ATP8B2: variants seen among roughly 807,000 people sequenced by gnomAD.
ATP8B2 encodes the protein ATPase phospholipid transporting 8B2.
ATP8B2 carries 70 observed loss-of-function variants against 133.4 expected under a neutral mutation model. The observed-to-expected ratio is 0.52, with a 90% CI of 0.43 to 0.64. ATP8B2 has a LOEUF of 0.64. ATP8B2 is among the 30% of genes least tolerant of loss of function. The pLI, the probability that ATP8B2 is intolerant of heterozygous loss-of-function variation, is 0.00. For missense variants in ATP8B2, 1,101 were observed against 1,535.7 expected, an observed-to-expected ratio of 0.72 and a Z score of 4.73; for synonymous variants, 517 against 589.5, an observed-to-expected ratio of 0.88 and a Z score of 1.78.
Position 154,351,209 on chromosome 1 carries a change from A to G in ATP8B2, c.*2091A>G, listed in dbSNP as rs1266412446. 6.6e-6 allele frequency: 1 copy of G among 152,120 alleles called. No homozygotes were observed. Among genetic ancestry groups the G allele is most frequent in the Admixed American group, 6.6e-5 (1 of 15,186 alleles). 9.4% of individuals were successfully genotyped at this position (152,120 alleles called of 1,614,324 possible). ...AGTTGCATTGAGCTGTAATTAAGGAACATTATAATTTATGACACATTTCTA... is the reference window on the plus strand; with the variant it reads ...AGTTGCATTGAGCTGTAATTAAGGAGCATTATAATTTATGACACATTTCTA... On this transcript the variant is annotated 3_prime_UTR_variant, in exon 28 of 28. Transcript: ENST00000368489.
chr1:154,327,858 A>G (rs1280116151), intron 1 of ATP8B2: 1 of 1,613,254 alleles, frequency 6.2e-7, no homozygotes, highest in Non-Finnish European at 8.5e-7. Context: ...TCCTTTCCCT[A>G]CAGGCATGGG....
chr1:154,336,088 G>A (rs1477463878), intron 11 of ATP8B2, among the ~76,000 whole-genome samples: 2 of 151,058 alleles, frequency 1.3e-5, no homozygotes, highest in Non-Finnish European at 2.9e-5. Context: ...GAACATTACC[G>A]TGGCTTGGCA....
Position 154,330,463 on chromosome 1 carries a change from C to T in ATP8B2, c.90+9C>T, listed in dbSNP as rs1344482690. The T allele has an allele frequency of 1.2e-6, 2 of 1,613,322 alleles. No individual in the cohort carries two copies. Among genetic ancestry groups the T allele is most frequent in the Non-Finnish European group, 1.7e-6 (2 of 1,179,438 alleles). On this transcript the variant is annotated intron_variant, in intron 3 of 27. Coordinates refer to ENST00000368489, the MANE Select transcript of ATP8B2 (RefSeq NM_001370597.1). ...AGAAATTCCAGTATGCGGTAAGCGACTCTAGACCACCTGTTCCCTCTCTCT... is the reference window on the plus strand; with the variant it reads ...AGAAATTCCAGTATGCGGTAAGCGATTCTAGACCACCTGTTCCCTCTCTCT...
chr1:154,332,265 A>G (rs1686018878), intron 8 of ATP8B2, among the ~76,000 whole-genome samples: 1 of 152,010 alleles, frequency 6.6e-6, no homozygotes, highest in South Asian at 2.1e-4. Context: ...GGGCATGGTG[A>G]CTCACTCCTG....
At position 154,346,831 on chromosome 1, in the gene ATP8B2, T is replaced by G; in HGVS notation, c.3163+73T>G. On this transcript the variant is annotated intron_variant, in intron 26 of 27. Transcript: ENST00000368489. The surrounding 1 kb of genome is among the most constrained non-coding windows in gnomAD (Gnocchi z 4.5). ...TGGGACTAACAGGACCATCAGCTAA[T>G]CTGCACATTCAACATTTCTTATGTG... 1 of 1,494,802 alleles carries G rather than the reference T, an allele frequency of 6.7e-7. No individual in the cohort carries two copies. The highest frequency in any genetic ancestry group is 9.2e-7 in the Non-Finnish European group (1 of 1,092,770). 92.6% of individuals were successfully genotyped at this position (1,494,802 alleles called of 1,614,324 possible). A position where few individuals can be genotyped will look rare whatever the true frequency, so the allele number is the denominator to read the frequency against.
At chr1:154,336,459 A>AC (rs1686183786) in intron 11 of ATP8B2, among the ~76,000 whole-genome samples, 1 of 62,642 alleles carries the variant, frequency 1.6e-5, no homozygotes. Context: ...TAGAAAAAAA[A>AC]AATTGCAAAA....
In ATP8B2 at chr1:154,342,885, C is replaced by A. The variant is rs750174515; in HGVS notation, c.1377C>A (p.Ile459=). 1 of 1,614,166 alleles carries A rather than the reference C, an allele frequency of 6.2e-7. No individual in the cohort carries two copies. Among genetic ancestry groups the A allele is most frequent in the Admixed American group, 1.7e-5 (1 of 60,032 alleles). ...WDPSLLEAVK[I]GDPHTHEFFR... is the part of the protein sequence containing the mutation. ...CCAGCCTGCTGGAGGCTGTCAAGAT[C>A]GGGGACCCCCACACGCATGAGTTCT... is the stretch of plus-strand genomic sequence containing the variant. Residue 459 remains isoleucine (I), a synonymous_variant, in exon 15 of 28, where the codon ATC becomes ATA. Transcript: ENST00000368489.
intron 1 of ATP8B2, among the ~76,000 whole-genome samples, chr1:154,326,754 A>G (rs894141419): frequency 6.6e-6 from 1 of 152,212 alleles, no homozygotes; most frequent in Non-Finnish European, 1.5e-5. Context: ...TCAGATGTTT[A>G]GGCTGATAGT....
At position 154,340,959 on chromosome 1, in the gene ATP8B2, C is replaced by T. The variant is rs35725806; in HGVS notation, c.1140C>T (p.Asn380=). Residue 380 remains asparagine, a synonymous_variant, in exon 13 of 28, where the codon AAC becomes AAT. Coordinates refer to ENST00000368489, the MANE Select transcript of ATP8B2 (RefSeq NM_001370597.1). This position sits in a 1 kb window ranked among gnomAD's most constrained non-coding sequence, Gnocchi z 4.0. ...TPAEARTTTL[N]EELGQVEYIF... ...CAGAAGCCCGCACCACCACCCTAAACGAGGAGCTGGGCCAGGTGGAGTACA... is the reference window on the plus strand; with the variant it reads ...CAGAAGCCCGCACCACCACCCTAAATGAGGAGCTGGGCCAGGTGGAGTACA... 1.9e-3 allele frequency: 3,063 copies of T among 1,614,176 alleles called. 50 individuals are homozygous for T. The African/African-American group carries it at 0.036, about 19-fold the overall frequency.
intron 9 of ATP8B2, 137 bp from the exon 10 acceptor site, chr1:154,333,970 A>G (rs2149163724): frequency 9.3e-7 from 1 of 1,071,660 alleles, no homozygotes; most frequent in East Asian, 2.4e-5. Flanking sequence ...GCATCAGCTC[A>G]CACTCCTCCC....
chr1:154,334,477 T>G lies in ATP8B2; in HGVS notation c.749-26T>G. The G allele has an allele frequency of 6.2e-7, 1 of 1,612,352 alleles. No individual in the cohort carries two copies. Among genetic ancestry groups the G allele is most frequent in the Non-Finnish European group, 8.5e-7 (1 of 1,178,536 alleles). Reference sequence around the variant, plus strand: ...CAGAGGCAGATGTGTTATTTGGCTTTCCCAGCCCTTCCCATTCTTTTCCAG... The same window carrying G: ...CAGAGGCAGATGTGTTATTTGGCTTGCCCAGCCCTTCCCATTCTTTTCCAG... On this transcript the variant is annotated intron_variant, in intron 10 of 27. Coordinates refer to ENST00000368489, the MANE Select transcript of ATP8B2 (RefSeq NM_001370597.1). This position sits in a 1 kb window ranked among gnomAD's most constrained non-coding sequence, Gnocchi z 4.6.
rs1283590363 is a variant in ATP8B2, at chr1:154,349,601, G to A, written c.*483G>A. 1.3e-5 allele frequency: 2 copies of A among 158,892 alleles called. No homozygotes were observed. Among genetic ancestry groups the A allele is most frequent in the Non-Finnish European group, 2.8e-5 (2 of 71,760 alleles). The allele number at this position is 158,892 out of a possible 1,614,324, so 9.8% of individuals were successfully genotyped here. The stretch of plus-strand genomic sequence containing the variant: ...CATCGTGTATGTCTCTCCTTGATTT[G>A]TGTTGTGTCCAGTTTGGTTTTGTCT... On this transcript the variant is annotated 3_prime_UTR_variant, in exon 28 of 28. Transcript: ENST00000368489.
chr1:154,346,785 G>T lies in ATP8B2; in HGVS notation c.3163+27G>T, dbSNP rs193093820. ...TAAGTCCCCGTGGCCTCCTTGAATC[G>T]GTGAGGAATCACAGCTGTTCTGGGA... is the stretch of plus-strand genomic sequence containing the variant. On this transcript the variant is annotated intron_variant, in intron 26 of 27. Transcript: ENST00000368489. This position sits in a 1 kb window ranked among gnomAD's most constrained non-coding sequence, Gnocchi z 4.5. 4 of 1,612,380 alleles carry T rather than the reference G, an allele frequency of 2.5e-6. No individual in the cohort carries two copies. The South Asian group carries it at 4.4e-5, about 18-fold the overall frequency.
chr1:154,331,190 C>T lies in ATP8B2; in HGVS notation c.303+44C>T, dbSNP rs368993569. The T allele has an allele frequency of 2.6e-6, 4 of 1,550,244 alleles. No individual in the cohort carries two copies. In the African/African-American group the frequency reaches 4.1e-5, roughly 16 times the overall value. ...TCTATTTTGTCCCAGTCACCCACCC[C>T]TACTCCCAGCCCCACCCCCATCTCA... On this transcript the variant is annotated intron_variant, in intron 5 of 27. Transcript: ENST00000368489. This position sits in a 1 kb window ranked among gnomAD's most constrained non-coding sequence, Gnocchi z 4.8.
rs1217842153 is a variant in ATP8B2, at chr1:154,350,415, T to G, written c.*1297T>G. 1 of 152,238 alleles carries G rather than the reference T, an allele frequency of 6.6e-6. No homozygotes were observed. Among genetic ancestry groups the G allele is most frequent in the Admixed American group, 6.5e-5 (1 of 15,286 alleles). The allele number at this position is 152,238 out of a possible 1,614,324, so 9.4% of individuals were successfully genotyped here. ...AATTTTAAATTTAAACCCAAGTTTATTGGCAGACTCCCTTTTGACCTCCCT... is the reference window on the plus strand; with the variant it reads ...AATTTTAAATTTAAACCCAAGTTTAGTGGCAGACTCCCTTTTGACCTCCCT... On this transcript the variant is annotated 3_prime_UTR_variant, in exon 28 of 28. Transcript: ENST00000368489.
In ATP8B2 at chr1:154,349,109, C is replaced by G; in HGVS notation, c.3564C>G (p.Leu1188=). ...CCAGTGGCGGTGCCGACAAGCCCCT[C>G]AAGGGCTGAAGGCCGAGGATGGATG... is the stretch of plus-strand genomic sequence containing the variant. The part of the protein sequence containing the change: ...SSPSGGADKP[L]KG The change falls in exon 28 of 28, where the codon CTC becomes CTG. Residue 1188 remains leucine (L), a synonymous_variant. Coordinates refer to ENST00000368489, the MANE Select transcript of ATP8B2 (RefSeq NM_001370597.1). 6.2e-7 allele frequency: 1 copy of G among 1,613,558 alleles called. No homozygotes were observed. Among genetic ancestry groups the G allele is most frequent in the Middle Eastern group, 1.7e-4 (1 of 6,036 alleles).
At position 154,346,596 on chromosome 1, in the gene ATP8B2, CCTGA is replaced by C; in HGVS notation, c.3025-21_3025-18del. The C allele has an allele frequency of 6.2e-7, 1 of 1,614,018 alleles. No homozygotes were observed. The highest frequency in any genetic ancestry group is 8.5e-7 in the Non-Finnish European group (1 of 1,179,932). On this transcript the variant is annotated intron_variant, in intron 25 of 27. Transcript: ENST00000368489. This position sits in a 1 kb window ranked among gnomAD's most constrained non-coding sequence, Gnocchi z 4.5. ...AAGGGGCTTTTAGGGCGTGCGCCTG[CCTGA>C]CTATGCCTACTTTCTGCAGATTGGG...
At position 154,332,636 on chromosome 1, in the gene ATP8B2, A is replaced by G; in HGVS notation, c.528A>G (p.Val176=). 6.3e-7 allele frequency: 1 copy of G among 1,589,798 alleles called. No homozygotes were observed. Among genetic ancestry groups the G allele is most frequent in the Non-Finnish European group, 8.6e-7 (1 of 1,166,980 alleles). Reference sequence around the variant, plus strand: ...CTTCCAGCGAGACCAACATGAAAGTACGTCAGGCGATTCCAGTCACCTCAG... The same window carrying G: ...CTTCCAGCGAGACCAACATGAAAGTGCGTCAGGCGATTCCAGTCACCTCAG... ...AELDGETNMK[V]RQAIPVTSEL... The change falls in exon 9 of 28, where the codon GTA becomes GTG. Residue 176 remains valine, a synonymous_variant. Transcript: ENST00000368489.
Position 154,334,654 on chromosome 1 carries a change from C to G in ATP8B2, c.837+63C>G, listed in dbSNP as rs1451484250. The G allele has an allele frequency of 1.4e-6, 2 of 1,413,474 alleles. No individual in the cohort carries two copies. Among genetic ancestry groups the G allele is most frequent in the Non-Finnish European group, 2.0e-6 (2 of 1,008,334 alleles). The allele number at this position is 1,413,474 out of a possible 1,614,324, so 87.6% of individuals were successfully genotyped here. ...CTCTTCTCCTTGGGTGCTCCTTTTCCTTTCCTCTTTCTTCTTTGGTCAGTA... is the reference window on the plus strand; with the variant it reads ...CTCTTCTCCTTGGGTGCTCCTTTTCGTTTCCTCTTTCTTCTTTGGTCAGTA... On this transcript the variant is annotated intron_variant, in intron 11 of 27. Coordinates refer to ENST00000368489, the MANE Select transcript of ATP8B2 (RefSeq NM_001370597.1). The surrounding 1 kb of genome is among the most constrained non-coding windows in gnomAD (Gnocchi z 4.6).
Sources: allele counts gnomAD v4.1 joint callset (sites outside exome capture counted in the v4.1 genomes callset), GRCh38; gene constraint gnomAD v4.1.1; non-coding constraint Gnocchi (gnomAD v3.1); transcripts MANE v1.5; gene names NCBI Gene and HGNC (gene_info 2026-07-23, HGNC 2026-07-21).